The following ARHGAP9 variants were observed in gnomAD, a reference collection of about 807,000 sequenced individuals.
ARHGAP9 encodes the protein Rho GTPase activating protein 9.
In ARHGAP9, 76 loss-of-function variants were observed where a neutral mutation model predicts 87.3. The observed-to-expected ratio is 0.87, with a 90% CI of 0.72 to 1.05. ARHGAP9 has a LOEUF of 1.05. Ranked by LOEUF, ARHGAP9 falls within the 50% of genes least tolerant of loss-of-function variation. The pLI, the probability that ARHGAP9 is intolerant of heterozygous loss-of-function variation, is 0.00. For missense variants in ARHGAP9, 941 were observed against 960.5 expected, an observed-to-expected ratio of 0.98 and a Z score of 0.27; for synonymous variants, 382 against 394.9, an observed-to-expected ratio of 0.97 and a Z score of 0.39.
At chr12:57,473,499 A>T in intron 17 of ARHGAP9, 104 bp downstream of exon 17, 1 of 1,034,246 alleles carries the variant, frequency 9.7e-7, no homozygotes, top group Non-Finnish European at 1.5e-6. Context: ...CCTGCCCATT[A>T]AACTTAGGTG....
chr12:57,476,054 C>A lies in ARHGAP9; in HGVS notation c.1212+17G>T. 2 of 1,515,984 alleles carry A rather than the reference C, an allele frequency of 1.3e-6. No individual in the cohort carries two copies. Among genetic ancestry groups the A allele is most frequent in the African/African-American group, 1.4e-5 (1 of 72,324 alleles). 93.9% of individuals were successfully genotyped at this position (1,515,984 alleles called of 1,614,324 possible). Reference sequence around the variant, plus strand: ...CGGGTCGGGTGGGGCCTTGGGGACGCGCGGGAGGGCGCTCACGTGCAGGAC... The same window carrying A: ...CGGGTCGGGTGGGGCCTTGGGGACGAGCGGGAGGGCGCTCACGTGCAGGAC... On this transcript the variant is annotated intron_variant, in intron 9 of 17. Transcript: ENST00000393791.
Position 57,479,812 on chromosome 12 carries a change from A to G in ARHGAP9, c.-101T>C. 1 of 1,531,102 alleles carries G rather than the reference A, an allele frequency of 6.5e-7. No homozygotes were observed. Among genetic ancestry groups the G allele is most frequent in the Non-Finnish European group, 8.8e-7 (1 of 1,137,518 alleles). 94.8% of individuals were successfully genotyped at this position (1,531,102 alleles called of 1,614,324 possible). On this transcript the variant is annotated 5_prime_UTR_variant, in exon 1 of 18. Coordinates refer to ENST00000393791, the MANE Select transcript of ARHGAP9 (RefSeq NM_032496.4). ...GTCTTGAGGTGGACACAGGAAGGAG[A>G]TAAGAAGAAAGAATCAGGTTCAAGA...
chr12:57,483,541 C>G (rs1042064604), upstream of ARHGAP9, among the ~76,000 whole-genome samples: 1 of 152,206 alleles, frequency 6.6e-6, no homozygotes, highest in Non-Finnish European at 1.5e-5. Flanking sequence ...CAGATTCCCT[C>G]TCTACACTTT....
In ARHGAP9 at chr12:57,476,184, A is replaced by G; in HGVS notation, c.1117-18T>C. The G allele has an allele frequency of 6.5e-7, 1 of 1,531,524 alleles. No homozygotes were observed. Among genetic ancestry groups the G allele is most frequent in the Non-Finnish European group, 8.8e-7 (1 of 1,136,840 alleles). 94.9% of individuals were successfully genotyped at this position (1,531,524 alleles called of 1,614,324 possible). A position where few individuals can be genotyped will look rare whatever the true frequency, so the allele number is the denominator to read the frequency against. On this transcript the variant is annotated intron_variant, in intron 8 of 17. Transcript: ENST00000393791. ...GCTGGTCCCTGACAATGAGGGAGGA[A>G]ACTGAGGCCACGGTGTTGTTTCCTT...
intron 2 of ARHGAP9, 86 bp downstream of exon 2, chr12:57,479,005 A>AC: frequency 6.8e-7 from 1 of 1,476,948 alleles, no homozygotes; most frequent in South Asian, 1.3e-5. Flanking sequence ...AGGGAGGGGG[A>AC]CCTCCCCAAA....
At chr12:57,487,039 C>T (rs1242352684) in intron 1 of ARHGAP9, among the ~76,000 whole-genome samples, 2 of 150,438 alleles carry the variant, frequency 1.3e-5, no homozygotes, top group African/African-American at 4.9e-5. Context: ...TGCAATGGCG[C>T]GGTCTCGGCT....
At chr12:57,480,126 T>C (rs984019038), upstream of ARHGAP9, 2 of 985,052 alleles carry the variant, frequency 2.0e-6, no homozygotes, top group South Asian at 4.7e-5. Flanking sequence ...GCCTTGATAC[T>C]GTCCTGTACA....
chr12:57,478,960 A>G, intron 2 of ARHGAP9, 131 bp downstream of exon 2: 5 of 1,295,970 alleles, frequency 3.9e-6, no homozygotes, highest in Non-Finnish European at 5.4e-6. Context: ...AGGCTGATCA[A>G]AGAAAAACAA....
At chr12:57,488,635 T>C (rs1192532141) in exon 1 of ARHGAP9, 2 of 1,551,058 alleles carry the variant, frequency 1.3e-6, no homozygotes, top group Non-Finnish European at 1.7e-6. Flanking sequence ...CAGCCGATTG[T>C]TTGGGTGACT....
In ARHGAP9 at chr12:57,477,518, T is replaced by C. The variant is rs1874201375; in HGVS notation, c.697A>G (p.Ile233Val). 6.2e-7 allele frequency: 1 copy of C among 1,614,102 alleles called. No homozygotes were observed. The highest frequency in any genetic ancestry group is 8.5e-7 in the Non-Finnish European group (1 of 1,180,008). ...LDPNSGRCFY[I>V]NSLTGCKSWK... ...GACTTGCAGCCAGTCAGTGAATTTA[T>C]GTAGAAGCAGCGTCCAGAGTTGGGG... The change falls in exon 4 of 18, where the codon ATA (isoleucine) becomes GTA (valine). Residue 233 changes from isoleucine (I) to valine (V), a missense_variant. Physicochemically the swap from Ile to Val is conservative, Grantham distance 29 (BLOSUM62 3). Transcript: ENST00000393791.
At chr12:57,474,554 C>T (rs1872892776) in intron 14 of ARHGAP9, 72 bp downstream of exon 14, 1 of 1,613,206 alleles carries the variant, frequency 6.2e-7, no homozygotes, top group Non-Finnish European at 8.5e-7. Context: ...TGCCAGCTTC[C>T]TCATGTAGGA....
At chr12:57,480,611 C>A (rs1874912952), upstream of ARHGAP9, among the ~76,000 whole-genome samples, 1 of 152,106 alleles carries the variant, frequency 6.6e-6, no homozygotes, top group Non-Finnish European at 1.5e-5. Context: ...ACTAATGACA[C>A]AATAAACTTA....
upstream of ARHGAP9, chr12:57,480,710 G>A (rs1874922604): frequency 1.4e-6 from 2 of 1,448,018 alleles, no homozygotes; most frequent in Admixed American, 3.9e-5. Flanking sequence ...TCTCCTTGGT[G>A]GAAGGTGGGA....
intron 3 of ARHGAP9, 179 bp from the exon 4 acceptor site, chr12:57,477,859 C>T: frequency 7.0e-7 from 1 of 1,430,442 alleles, no homozygotes; most frequent in Non-Finnish European, 9.1e-7. Flanking sequence ...TAAAAATTCT[C>T]TCTCTCACAG....
At chr12:57,488,687 T>A (rs1875667585) in exon 1 of ARHGAP9, 6 of 1,534,548 alleles carry the variant, frequency 3.9e-6, no homozygotes, top group Non-Finnish European at 5.3e-6. Context: ...TCTTTTAATT[T>A]TGTTCTCCCA....
chr12:57,474,546 C>G, intron 14 of ARHGAP9, 70 bp from the exon 15 acceptor site: 4 of 1,613,046 alleles, frequency 2.5e-6, no homozygotes, highest in Non-Finnish European at 3.4e-6. Flanking sequence ...CTCTATTCTG[C>G]CAGCTTCCTC....
chr12:57,475,849 G>T lies in ARHGAP9; in HGVS notation c.1295C>A (p.Thr432Asn). ...ELRAWHRALR[T>N]VIERLDRENP... ...CCATCTAACCAGCCGCTCGATGACAGTCCGCAGCGCGCGGTGCCAGGCTCG... is the reference window on the plus strand; with the variant it reads ...CCATCTAACCAGCCGCTCGATGACATTCCGCAGCGCGCGGTGCCAGGCTCG... The change falls in exon 10 of 18, where the codon ACT (threonine) becomes AAT (asparagine). Residue 432 changes from threonine to asparagine, a missense_variant. By Grantham distance (65) the Thr-to-Asn change is moderately conservative (BLOSUM62 0). Transcript: ENST00000393791. 1 of 1,613,866 alleles carries T rather than the reference G, an allele frequency of 6.2e-7. No homozygotes were observed. Among genetic ancestry groups the T allele is most frequent in the Admixed American group, 1.7e-5 (1 of 59,998 alleles).
exon 1 of ARHGAP9, chr12:57,488,628 C>G (rs1875659945): frequency 6.4e-7 from 1 of 1,551,056 alleles, no homozygotes; most frequent in East Asian, 2.4e-5. Flanking sequence ...TCATTCTCAG[C>G]CGATTGTTTG....
upstream of ARHGAP9, among the ~76,000 whole-genome samples, chr12:57,481,942 T>G (rs894627244): frequency 7.9e-5 from 12 of 152,202 alleles, no homozygotes; most frequent in Non-Finnish European, 1.5e-4. Flanking sequence ...TTCCATGTGC[T>G]GCTAAGGACT....
Sources: allele counts gnomAD v4.1 joint callset (sites outside exome capture counted in the v4.1 genomes callset), GRCh38; gene constraint gnomAD v4.1.1; transcripts MANE v1.5; gene names NCBI Gene and HGNC (gene_info 2026-07-23, HGNC 2026-07-21).